CRYBA4: variants seen among roughly 807,000 people sequenced by gnomAD.
CRYBA4 encodes beta-crystallin A4.
Under a neutral mutation model 31.7 loss-of-function variants are expected in CRYBA4, and 30 were observed. The ratio of observed to expected loss-of-function variants is 0.95; its 90% CI spans 0.71 to 1.28. CRYBA4 has a LOEUF of 1.28. CRYBA4 is among the 50% of genes most tolerant of loss of function. The pLI, the probability that CRYBA4 is intolerant of heterozygous loss-of-function variation, is 0.00. For synonymous variants in CRYBA4, 102 were observed against 102.3 expected (o/e 1.00, Z 0.02); for missense variants, 225 against 260.7 (o/e 0.86, Z 0.94).
At chr22:26,611,090 C>A in the CRYBA4 span, among the ~76,000 whole-genome samples, 1 of 152,094 alleles carries the variant, frequency 6.6e-6, no homozygotes, top group African/African-American at 2.4e-5. Context: ...GTCACTAAGG[C>A]CCAGAGACAC....
upstream of CRYBA4, among the ~76,000 whole-genome samples, chr22:26,620,156 G>T (rs538782494): frequency 6.6e-6 from 1 of 152,060 alleles, no homozygotes; most frequent in East Asian, 1.9e-4. Context: ...GATAAAATTG[G>T]AACTCACATC....
At chr22:26,620,253 A>C (rs1017585768), upstream of CRYBA4, among the ~76,000 whole-genome samples, 2 of 152,172 alleles carry the variant, frequency 1.3e-5, no homozygotes, top group African/African-American at 4.8e-5. Context: ...TCTTATTAGC[A>C]ATGGTGATGA....
chr22:26,622,691 C>T (rs1201190711), intron 2 of CRYBA4, 56 bp downstream of exon 2: 23 of 1,304,662 alleles, frequency 1.8e-5, no homozygotes, highest in Non-Finnish European at 1.9e-5. Context: ...GTTCAGGTCC[C>T]CATGAATCCT....
chr22:26,615,000 C>G, the CRYBA4 span, among the ~76,000 whole-genome samples: 3 of 152,182 alleles, frequency 2.0e-5, no homozygotes, highest in South Asian at 6.2e-4. Flanking sequence ...AGGGAGACAC[C>G]TTAGAGTTAG....
the CRYBA4 span, among the ~76,000 whole-genome samples, chr22:26,598,856 G>C: frequency 6.6e-6 from 1 of 152,212 alleles, no homozygotes; most frequent in Non-Finnish European, 1.5e-5. Context: ...GAGGGGGGAT[G>C]CTCAACTGGC....
intron 3 of CRYBA4, 70 bp downstream of exon 3, chr22:26,623,422 CT>C (rs938464676): frequency 1.5e-5 from 18 of 1,237,416 alleles, no homozygotes; most frequent in Admixed American, 8.5e-5. Context: ...GGTGCTAGGA[CT>C]TTTAGATATT....
At chr22:26,602,144 C>T in the CRYBA4 span, 1 of 1,203,758 alleles carries the variant, frequency 8.3e-7, no homozygotes, top group South Asian at 1.3e-5. Flanking sequence ...GGGGGACTCT[C>T]CAGGGACCAC....
chr22:26,624,482 TAG>T, intron 3 of CRYBA4, among the ~76,000 whole-genome samples: 2 of 152,220 alleles, frequency 1.3e-5, no homozygotes, highest in African/African-American at 4.8e-5. Context: ...GTTTGGAAAG[TAG>T]ATAGGAGATT....
chr22:26,602,182 G>A, the CRYBA4 span, among the ~76,000 whole-genome samples: 2 of 152,142 alleles, frequency 1.3e-5, no homozygotes, highest in Non-Finnish European at 2.9e-5. Flanking sequence ...GGAGACATAA[G>A]GAAAATGGGA....
chr22:26,596,755 G>A, the CRYBA4 span: 6 of 152,154 alleles, frequency 3.9e-5, no homozygotes, highest in African/African-American at 1.4e-4. Flanking sequence ...CTTAGAATGG[G>A]GATCCATGTG....
chr22:26,616,619 C>T, the CRYBA4 span, among the ~76,000 whole-genome samples: 1 of 152,206 alleles, frequency 6.6e-6, no homozygotes, highest in Middle Eastern at 3.2e-3. Flanking sequence ...CCTTCCTTAG[C>T]CCCCTGCAAT....
At chr22:26,606,930 G>A in the CRYBA4 span, among the ~76,000 whole-genome samples, 1 of 151,314 alleles carries the variant, frequency 6.6e-6, no homozygotes, top group Non-Finnish European at 1.5e-5. Flanking sequence ...TCTTCTGGAA[G>A]TTGACTTAGT....
chr22:26,627,361 T>TCCCTCCCTCCCTCC (rs1929739810), intron 4 of CRYBA4, among the ~76,000 whole-genome samples: 1 of 26,070 alleles, frequency 3.8e-5, no homozygotes, highest in Non-Finnish European at 7.2e-5. Context: ...CCCTCCCTCC[T>TCCCTCCCTCCCTCC]TTCTTTCTTT....
chr22:26,630,283 G>A, intron 5 of CRYBA4, 57 bp from the exon 6 acceptor site: 1 of 1,610,292 alleles, frequency 6.2e-7, no homozygotes. Flanking sequence ...TTGCCCCTGT[G>A]TTGATCACCA....
At position 26,630,361 on chromosome 22, in the gene CRYBA4, G is replaced by C. The variant is rs117467748; in HGVS notation, c.465G>C (p.Pro155=). The change falls in exon 6 of 6, where the codon CCG becomes CCC. Residue 155 remains proline (P), a synonymous_variant. Transcript: ENST00000354760. ...HSGAWVCSQF[P]GYRGFQYVLE... ...CCAGCTGGGTTTGCTCCCAGTTTCC[G>C]GGCTACCGAGGATTTCAGTATGTGC... 4 of 1,614,192 alleles carry C rather than the reference G, an allele frequency of 2.5e-6. No homozygotes were observed. The highest frequency in any genetic ancestry group is 3.4e-6 in the Non-Finnish European group (4 of 1,180,018).
At chr22:26,621,777 C>G (rs565583962), upstream of CRYBA4, among the ~76,000 whole-genome samples, 10 of 152,186 alleles carry the variant, frequency 6.6e-5, no homozygotes, top group Non-Finnish European at 1.3e-4. Context: ...TGGCTGATCC[C>G]TGGGGGTGGT....
chr22:26,613,655 G>A, the CRYBA4 span, among the ~76,000 whole-genome samples: 1 of 152,152 alleles, frequency 6.6e-6, no homozygotes, highest in African/African-American at 2.4e-5. Flanking sequence ...GAGGATGTAT[G>A]TCGCCTCAGG....
At chr22:26,593,855 A>G in the CRYBA4 span, among the ~76,000 whole-genome samples, 1 of 152,158 alleles carries the variant, frequency 6.6e-6, no homozygotes, top group Admixed American at 6.5e-5. Flanking sequence ...GGTGCTTGCT[A>G]TGTGCTAAAC....
upstream of CRYBA4, among the ~76,000 whole-genome samples, chr22:26,619,875 G>T (rs1442908538): frequency 1.3e-5 from 2 of 152,238 alleles, no homozygotes; most frequent in African/African-American, 2.4e-5. Flanking sequence ...GGCAGAGAAG[G>T]GGGATGGCCC....
Sources: gnomAD v4.1 joint callset for allele counts (sites outside exome capture counted in the v4.1 genomes callset) on GRCh38, gnomAD v4.1.1 for gene constraint, MANE v1.5 for transcripts, NCBI Gene and HGNC (gene_info 2026-07-23, HGNC 2026-07-21) for gene names.